Variants in PPIL3 observed in about 807,000 individuals in gnomAD.
PPIL3 encodes peptidyl-prolyl cis-trans isomerase-like 3.
PPIL3 carries 13 observed loss-of-function variants against 20.9 expected under a neutral mutation model. The ratio of observed to expected loss-of-function variants is 0.62; its 90% CI spans 0.40 to 0.99. PPIL3 has a LOEUF of 0.99. Ranked by LOEUF, PPIL3 falls within the 50% of genes least tolerant of loss-of-function variation. The probability of loss-of-function intolerance (pLI) is 0.00; values close to 1 mark genes in which losing one functional copy is unlikely to be tolerated. For missense variants in PPIL3, 170 were observed against 195.2 expected, an observed-to-expected ratio of 0.87 and a Z score of 0.77; for synonymous variants, 71 against 64.4, an observed-to-expected ratio of 1.10 and a Z score of -0.49.
intron 4 of PPIL3, among the ~76,000 whole-genome samples, chr2:200,882,012 G>A (rs1055915883): frequency 6.6e-5 from 10 of 152,174 alleles, no homozygotes; most frequent in Non-Finnish European, 1.5e-5. Context: ...TCATAAGTGG[G>A]AGTTGAACAA....
intron 6 of PPIL3, among the ~76,000 whole-genome samples, chr2:200,873,020 T>C (rs903963311): frequency 1.3e-5 from 2 of 151,876 alleles, no homozygotes; most frequent in African/African-American, 4.8e-5. Flanking sequence ...TATAGGAGCC[T>C]ACCACCACGC....
At chr2:200,871,588 C>T in intron 6 of PPIL3, 67 bp from the exon 7 acceptor site, 3 of 1,339,574 alleles carry the variant, frequency 2.2e-6, no homozygotes, top group Admixed American at 2.2e-5. Context: ...ATATCTATGA[C>T]AATTACAGTC....
upstream of PPIL3, chr2:200,889,291 G>C: frequency 3.2e-6 from 1 of 313,356 alleles, no homozygotes; most frequent in Non-Finnish European, 6.4e-6. Flanking sequence ...AAACGGAAAG[G>C]ACCACTTCCG....
intron 3 of PPIL3, 184 bp downstream of exon 3, chr2:200,885,514 C>T (rs887253093): frequency 5.5e-6 from 3 of 549,978 alleles, no homozygotes; most frequent in Non-Finnish European, 3.1e-6. Context: ...TCTACGTTCT[C>T]TTTGATCCAC....
intron 2 of PPIL3, among the ~76,000 whole-genome samples, chr2:200,886,705 C>T (rs1018070655): frequency 6.6e-6 from 1 of 152,176 alleles, no homozygotes; most frequent in Non-Finnish European, 1.5e-5. Flanking sequence ...AGATTACAGG[C>T]GTGAGCCACC....
chr2:200,873,438 C>T (rs144987340), intron 6 of PPIL3, among the ~76,000 whole-genome samples: 10 of 152,108 alleles, frequency 6.6e-5, no homozygotes, highest in South Asian at 6.2e-4. Context: ...GATCTGCCCA[C>T]GTCAGCCTCC....
chr2:200,880,407 G>A (rs1228250693), intron 5 of PPIL3, among the ~76,000 whole-genome samples: 2 of 109,026 alleles, frequency 1.8e-5, no homozygotes, highest in Admixed American at 1.6e-4. Flanking sequence ...TGATTGAGTA[G>A]ACTTTTTTTT....
chr2:200,876,508 T>C (rs1334548228), intron 6 of PPIL3, among the ~76,000 whole-genome samples: 2 of 151,410 alleles, frequency 1.3e-5, no homozygotes, highest in Non-Finnish European at 2.9e-5. Context: ...TTTTCTTTCT[T>C]TTCTTTTCAT....
chr2:200,885,320 G>T, intron 3 of PPIL3: 1 of 353,394 alleles, frequency 2.8e-6, no homozygotes, highest in Non-Finnish European at 5.0e-6. Flanking sequence ...GCAGTGAGCC[G>T]AGATCGCGCC....
Position 200,871,140 on chromosome 2 carries a change from T to C in PPIL3, c.*255A>G, listed in dbSNP as rs141453565. ...CTGAGCATTTAAAAATGAATGTTCA[T>C]ATGTAACAAAAATTAAATGATGTAT... On this transcript the variant is annotated 3_prime_UTR_variant, in exon 7 of 7. Coordinates refer to ENST00000392283, the MANE Select transcript of PPIL3 (RefSeq NM_130906.3). The C allele has an allele frequency of 4.7e-3, 1,336 of 286,864 alleles. 15 individuals are homozygous for C. The highest frequency in any genetic ancestry group is 0.027 in the African/African-American group (1,228 of 45,808). 17.8% of individuals were successfully genotyped at this position (286,864 alleles called of 1,614,324 possible).
In PPIL3 at chr2:200,889,027, G is replaced by T; in HGVS notation, c.-142C>A. On this transcript the variant is annotated 5_prime_UTR_variant, in exon 1 of 7. Transcript: ENST00000392283. ...AAATGCAATCGCAGATGCCAGCAGA[G>T]GTCTGTTGGTTCAAAATTATAGTTT... 2.1e-6 allele frequency: 1 copy of T among 471,192 alleles called. No individual in the cohort carries two copies. Among genetic ancestry groups the T allele is most frequent in the Non-Finnish European group, 4.4e-6 (1 of 227,068 alleles). The allele number at this position is 471,192 out of a possible 1,614,324, so 29.2% of individuals were successfully genotyped here.
chr2:200,873,789 C>T (rs2039403072), intron 6 of PPIL3, among the ~76,000 whole-genome samples: 2 of 151,632 alleles, frequency 1.3e-5, no homozygotes, highest in Admixed American at 6.6e-5. Flanking sequence ...TTGACTGCAA[C>T]CCGTCACATG....
intron 6 of PPIL3, among the ~76,000 whole-genome samples, chr2:200,872,051 C>A (rs2039323181): frequency 6.6e-6 from 1 of 152,132 alleles, no homozygotes; most frequent in Non-Finnish European, 1.5e-5. Context: ...TGAACAGAGA[C>A]CCCGGTTAAT....
At chr2:200,886,290 T>C (rs2039935410) in intron 2 of PPIL3, among the ~76,000 whole-genome samples, 1 of 152,212 alleles carries the variant, frequency 6.6e-6, no homozygotes, top group Non-Finnish European at 1.5e-5. Flanking sequence ...ATCTTAAATG[T>C]GCAGAGATAA....
At chr2:200,883,354 CATTTA>C (rs370160193) in intron 3 of PPIL3, among the ~76,000 whole-genome samples, 3,379 of 152,124 alleles carry the variant, frequency 0.022, 63 homozygotes, top group Non-Finnish European at 0.033. Context: ...CATACCTTTG[CATTTA>C]ATTTAAGTAT....
chr2:200,878,906 T>A (rs2039615037), intron 5 of PPIL3, among the ~76,000 whole-genome samples: 1 of 152,302 alleles, frequency 6.6e-6, no homozygotes, highest in African/African-American at 2.4e-5. Flanking sequence ...TTATCCACAA[T>A]CTACATAGTG....
intron 1 of PPIL3, chr2:200,888,669 G>A (rs1451782062): frequency 3.8e-6 from 1 of 265,332 alleles, no homozygotes; most frequent in Admixed American, 4.9e-5. Flanking sequence ...GGGACTACAG[G>A]CGCGCGCTAC....
Position 200,876,851 on chromosome 2 carries a change from T to C in PPIL3, c.359+68A>G, listed in dbSNP as rs574431931. The C allele has an allele frequency of 2.1e-4, 236 of 1,144,872 alleles. No individual in the cohort carries two copies. In the African/African-American group the frequency reaches 3.3e-3, roughly 16 times the overall value. 70.9% of individuals were successfully genotyped at this position (1,144,872 alleles called of 1,614,324 possible). ...CTCTTTTCAATATTAGTTATGCTAC[T>C]GTCACAGCTAAGCATATGCACCACT... On this transcript the variant is annotated intron_variant, in intron 6 of 6. Coordinates refer to ENST00000392283, the MANE Select transcript of PPIL3 (RefSeq NM_130906.3).
intron 6 of PPIL3, among the ~76,000 whole-genome samples, chr2:200,874,450 A>G (rs867628225): frequency 1.3e-5 from 2 of 152,156 alleles, no homozygotes; most frequent in African/African-American, 4.8e-5. Flanking sequence ...AAGTAGAGTC[A>G]AGTATATGGG....
Sources: allele counts gnomAD v4.1 joint callset (sites outside exome capture counted in the v4.1 genomes callset), GRCh38; gene constraint gnomAD v4.1.1; transcripts MANE v1.5; gene names NCBI Gene and HGNC (gene_info 2026-07-23, HGNC 2026-07-21).